BMERB1: variants seen among roughly 807,000 people sequenced by gnomAD.
The protein encoded by BMERB1 is bMERB domain-containing protein 1.
In BMERB1, 12 loss-of-function variants were observed where a neutral mutation model predicts 23.6. That is an observed-to-expected ratio of 0.51 (90% CI 0.33 to 0.82). BMERB1 has a LOEUF of 0.82. Ranked by LOEUF, BMERB1 falls within the 40% of genes least tolerant of loss-of-function variation. The pLI is 0.03. For missense variants in BMERB1, 247 were observed against 255.4 expected (o/e 0.97, Z 0.22); for synonymous variants, 122 against 96.6 (o/e 1.26, Z -1.54).
At chr16:15,534,959 C>T (rs1221922359) in intron 2 of BMERB1, among the ~76,000 whole-genome samples, 1 of 152,186 alleles carries the variant, frequency 6.6e-6, no homozygotes, top group African/African-American at 2.4e-5. Context: ...AAGATGCTAG[C>T]ATTTCCCTTC....
chr16:15,580,251 C>T (rs1286103646), intron 3 of BMERB1, among the ~76,000 whole-genome samples: 4 of 151,978 alleles, frequency 2.6e-5, no homozygotes, highest in Admixed American at 2.6e-4. Context: ...AACACTCCAT[C>T]ACATGTGGCT....
chr16:15,438,864 G>A (rs2050911991), intron 1 of BMERB1, among the ~76,000 whole-genome samples: 4 of 152,140 alleles, frequency 2.6e-5, no homozygotes, highest in East Asian at 1.9e-4. Flanking sequence ...CATAAAGCCT[G>A]GGCCCTCCAT....
At chr16:15,483,261 C>G (rs1057385720) in intron 1 of BMERB1, among the ~76,000 whole-genome samples, 1 of 152,146 alleles carries the variant, frequency 6.6e-6, no homozygotes, top group Non-Finnish European at 1.5e-5. Flanking sequence ...TCCGATTATT[C>G]CTCTAGGAAG....
chr16:15,473,198 G>A (rs2051245075), intron 1 of BMERB1, among the ~76,000 whole-genome samples: 1 of 151,674 alleles, frequency 6.6e-6, no homozygotes, highest in Non-Finnish European at 1.5e-5. Context: ...TGATTTTTGT[G>A]GGTACATAAG....
chr16:15,440,308 A>G (rs2050929173), intron 1 of BMERB1, among the ~76,000 whole-genome samples: 1 of 150,208 alleles, frequency 6.7e-6, no homozygotes, highest in African/African-American at 2.4e-5. Flanking sequence ...ATGCTCTATG[A>G]GTAGGAGATT....
Position 15,515,325 on chromosome 16 carries a change from A to G in BMERB1, c.127A>G (p.Met43Val), listed in dbSNP as rs1223188318. Residue 43 changes from methionine (M) to valine (V), a missense_variant, in exon 2 of 6, where the codon ATG becomes GTG. Transcript: ENST00000300006. ...LGRNQLDIIS[M>V]AETTMMPEEI... ...CACAGATCAGCTGGACATCATCTCC[A>G]TGGCGGAGACAACCATGATGCCAGA... 1.2e-6 allele frequency: 2 copies of G among 1,613,538 alleles called. No homozygotes were observed. The highest frequency in any genetic ancestry group is 1.3e-5 in the African/African-American group (1 of 74,882).
chr16:15,580,672 C>T (rs1051456934), intron 3 of BMERB1, among the ~76,000 whole-genome samples: 5 of 151,812 alleles, frequency 3.3e-5, no homozygotes, highest in African/African-American at 7.3e-5. Context: ...CTCAGCCTCC[C>T]GAGTAGCTGG....
intron 2 of BMERB1, among the ~76,000 whole-genome samples, chr16:15,534,520 C>G (rs1384240056): frequency 6.6e-6 from 1 of 151,992 alleles, no homozygotes; most frequent in Non-Finnish European, 1.5e-5. Flanking sequence ...TGCCACTACA[C>G]TCCAGCCTGG....
At chr16:15,567,904 C>A in intron 2 of BMERB1, 79 bp from the exon 3 acceptor site, 2 of 1,319,194 alleles carry the variant, frequency 1.5e-6, no homozygotes, top group Non-Finnish European at 2.1e-6. Flanking sequence ...TTAATAGCTT[C>A]TTTGTGTTAA....
intron 2 of BMERB1, among the ~76,000 whole-genome samples, chr16:15,543,173 C>T (rs1484363712): frequency 6.6e-6 from 1 of 152,166 alleles, no homozygotes; most frequent in East Asian, 1.9e-4. Flanking sequence ...GGAGTTCAGC[C>T]ATCCTCAGAT....
At chr16:15,552,478 C>A (rs546078710) in intron 2 of BMERB1, among the ~76,000 whole-genome samples, 5 of 152,036 alleles carry the variant, frequency 3.3e-5, no homozygotes, top group African/African-American at 1.2e-4. Context: ...AATGAACTCA[C>A]AACACTTACT....
chr16:15,522,880 G>C (rs1235850413), intron 2 of BMERB1, among the ~76,000 whole-genome samples: 1 of 152,148 alleles, frequency 6.6e-6, no homozygotes, highest in African/African-American at 2.4e-5. Flanking sequence ...TGCTCTTTTA[G>C]TTTTGCTATC....
chr16:15,508,030 A>AATAT (rs1273236322), intron 1 of BMERB1, among the ~76,000 whole-genome samples: 1 of 152,178 alleles, frequency 6.6e-6, no homozygotes, highest in Non-Finnish European at 1.5e-5. Context: ...TTCTTACATG[A>AATAT]ATATGGTTGA....
chr16:15,550,881 G>T (rs62036867), intron 2 of BMERB1, among the ~76,000 whole-genome samples: 13,751 of 152,174 alleles, frequency 0.09, 714 homozygotes, highest in Admixed American at 0.15. Flanking sequence ...CCCTACAGAT[G>T]ATGAGGATTC....
At position 15,586,967 on chromosome 16, in the gene BMERB1, G is replaced by A. The variant is rs2031163880; in HGVS notation, c.*138G>A. The stretch of plus-strand genomic sequence containing the variant: ...GCCCGTGACTGTCACCAGAGGCCAT[G>A]GGCACGGCAGGCGGGCCTGGCCACC... On this transcript the variant is annotated 3_prime_UTR_variant, in exon 6 of 6. Transcript: ENST00000300006. The A allele has an allele frequency of 1.6e-6, 1 of 640,524 alleles. No individual in the cohort carries two copies. The highest frequency in any genetic ancestry group is 2.8e-5 in the East Asian group (1 of 36,284). 39.7% of individuals were successfully genotyped at this position (640,524 alleles called of 1,614,324 possible). A position where few individuals can be genotyped will look rare whatever the true frequency, so the allele number is the denominator to read the frequency against.
At chr16:15,483,210 T>A (rs2051338994) in intron 1 of BMERB1, among the ~76,000 whole-genome samples, 1 of 152,166 alleles carries the variant, frequency 6.6e-6, no homozygotes, top group African/African-American at 2.4e-5. Context: ...TTTTCCACTG[T>A]TATAAAGGTT....
At chr16:15,469,298 T>C (rs1482570641) in intron 1 of BMERB1, among the ~76,000 whole-genome samples, 1 of 152,100 alleles carries the variant, frequency 6.6e-6, no homozygotes, top group Admixed American at 6.6e-5. Context: ...TGTGGGCACA[T>C]TTGTTTGGGG....
At chr16:15,557,165 G>T (rs8046405) in intron 2 of BMERB1, among the ~76,000 whole-genome samples, 1 of 152,088 alleles carries the variant, frequency 6.6e-6, no homozygotes, top group East Asian at 1.9e-4. Flanking sequence ...AAAATGACCC[G>T]CTTTCCCCTA....
chr16:15,559,993 G>A (rs1201745564), intron 2 of BMERB1, among the ~76,000 whole-genome samples: 5 of 152,154 alleles, frequency 3.3e-5, no homozygotes, highest in Non-Finnish European at 7.3e-5. Flanking sequence ...ATTTGTGTTG[G>A]GCTGCCTTCA....
Sources: allele counts gnomAD v4.1 joint callset (sites outside exome capture counted in the v4.1 genomes callset), GRCh38; gene constraint gnomAD v4.1.1; transcripts MANE v1.5; gene names NCBI Gene and HGNC (gene_info 2026-07-23, HGNC 2026-07-21).